GPC6: variants seen among roughly 807,000 people sequenced by gnomAD.
The protein encoded by GPC6 is glypican 6.
Under a neutral mutation model 55.2 loss-of-function variants are expected in GPC6, and 14 were observed. The ratio of observed to expected loss-of-function variants is 0.25; its 90% CI spans 0.17 to 0.40. The LOEUF (loss-of-function observed/expected upper bound fraction) is 0.40. Among genes scored for constraint, GPC6 ranks in the 10% least tolerant of loss-of-function variants. The pLI, the probability that GPC6 is intolerant of heterozygous loss-of-function variation, is 1.00. For missense variants in GPC6, 641 were observed against 708.5 expected (o/e 0.90, Z 1.08); for synonymous variants, 278 against 259.6 (o/e 1.07, Z -0.68).
At chr13:93,885,167 T>C (rs1413098787) in intron 3 of GPC6, among the ~76,000 whole-genome samples, 1 of 151,738 alleles carries the variant, frequency 6.6e-6, no homozygotes, top group Non-Finnish European at 1.5e-5. Context: ...AGAGTGCAAA[T>C]TAATAGAGCC....
intron 1 of GPC6, among the ~76,000 whole-genome samples, chr13:93,368,719 C>T (rs991703468): frequency 3.9e-5 from 6 of 152,000 alleles, no homozygotes; most frequent in Non-Finnish European, 7.4e-5. Flanking sequence ...TATACAGGAA[C>T]AAGCTACACC....
intron 5 of GPC6, among the ~76,000 whole-genome samples, chr13:94,299,807 A>G (rs1875544412): frequency 6.6e-6 from 1 of 152,170 alleles, no homozygotes; most frequent in Non-Finnish European, 1.5e-5. Flanking sequence ...CTCCACAGCC[A>G]TTTCTTGTGA....
intron 4 of GPC6, among the ~76,000 whole-genome samples, chr13:94,068,309 C>T (rs752081866): frequency 6.6e-6 from 1 of 152,086 alleles, no homozygotes; most frequent in East Asian, 1.9e-4. Context: ...CACAAGAACA[C>T]CATGGGAAAA....
chr13:94,262,180 G>A (rs904358262), intron 4 of GPC6, among the ~76,000 whole-genome samples: 7 of 152,132 alleles, frequency 4.6e-5, no homozygotes, highest in African/African-American at 1.7e-4. Context: ...CTCAACAGAT[G>A]CTTATTTAAT....
chr13:94,272,453 C>CT (rs1892060329), intron 4 of GPC6, among the ~76,000 whole-genome samples: 1 of 118,094 alleles, frequency 8.5e-6, no homozygotes, highest in East Asian at 2.3e-4. Context: ...CTTTTCTTTT[C>CT]TTTTCTTTTC....
intron 3 of GPC6, among the ~76,000 whole-genome samples, chr13:93,865,080 A>G (rs879826704): frequency 6.6e-6 from 1 of 151,682 alleles, no homozygotes; most frequent in Non-Finnish European, 1.5e-5. Flanking sequence ...GCAGTGGGTG[A>G]CACCATAAAA....
At chr13:93,295,857 TGCCATCATG>T (rs1878479547) in intron 1 of GPC6, among the ~76,000 whole-genome samples, 1 of 152,086 alleles carries the variant, frequency 6.6e-6, no homozygotes, top group Non-Finnish European at 1.5e-5. Flanking sequence ...TACAGGCGTG[TGCCATCATG>T]GCCGGCTAAT....
chr13:94,403,537 G>A lies in GPC6; in HGVS notation c.*320G>A, dbSNP rs1881241750. 3.3e-5 allele frequency: 10 copies of A among 298,714 alleles called. No individual in the cohort carries two copies. In the South Asian group the frequency reaches 4.3e-4, roughly 13 times the overall value. The allele number at this position is 298,714 out of a possible 1,614,324, so 18.5% of individuals were successfully genotyped here. ...CAGAAGTAAAGGAATCTCACGTTGT[G>A]AGGGTTTTTTTTTTCTCATTTAAAA... On this transcript the variant is annotated 3_prime_UTR_variant, in exon 9 of 9. Coordinates refer to ENST00000377047, the MANE Select transcript of GPC6 (RefSeq NM_005708.5).
intron 3 of GPC6, among the ~76,000 whole-genome samples, chr13:93,932,635 G>A (rs368019515): frequency 4.6e-5 from 7 of 152,206 alleles, no homozygotes; most frequent in Middle Eastern, 3.4e-3. Flanking sequence ...CATGGTAGGT[G>A]GGAAAAACCC....
At chr13:93,426,431 C>G (rs918397743) in intron 1 of GPC6, among the ~76,000 whole-genome samples, 3 of 144,734 alleles carry the variant, frequency 2.1e-5, no homozygotes, top group African/African-American at 7.7e-5. Context: ...GTTCCCCTTC[C>G]TGTGTCCATG....
chr13:94,083,641 T>C (rs1885184878), intron 4 of GPC6, among the ~76,000 whole-genome samples: 1 of 152,180 alleles, frequency 6.6e-6, no homozygotes, highest in South Asian at 2.1e-4. Flanking sequence ...AGTTTTCTGA[T>C]AGACAATAAA....
chr13:94,296,644 C>T (rs1875349317), intron 5 of GPC6, among the ~76,000 whole-genome samples: 1 of 152,176 alleles, frequency 6.6e-6, no homozygotes. Flanking sequence ...GAGTCATTGC[C>T]TCAGCCAGCC....
chr13:93,688,427 T>G (rs1882128088), intron 2 of GPC6, among the ~76,000 whole-genome samples: 1 of 152,080 alleles, frequency 6.6e-6, no homozygotes, highest in Non-Finnish European at 1.5e-5. Context: ...CTCCTAGGTA[T>G]AAATACAAAA....
At chr13:94,216,917 G>A (rs1055227446) in intron 4 of GPC6, among the ~76,000 whole-genome samples, 7 of 152,156 alleles carry the variant, frequency 4.6e-5, no homozygotes, top group African/African-American at 1.7e-4. Flanking sequence ...GAAGAATTGG[G>A]ATTTAAAGTC....
At chr13:93,444,962 G>T (rs1877946930) in intron 1 of GPC6, among the ~76,000 whole-genome samples, 1 of 152,124 alleles carries the variant, frequency 6.6e-6, no homozygotes, top group African/African-American at 2.4e-5. Context: ...TTTTAAAATA[G>T]GAGACAGTAG....
At chr13:93,718,949 T>C (rs183860502) in intron 2 of GPC6, among the ~76,000 whole-genome samples, 2 of 152,236 alleles carry the variant, frequency 1.3e-5, no homozygotes, top group East Asian at 3.9e-4. Context: ...TATATATCTG[T>C]TTTGGTACCA....
rs780952781 is a variant in GPC6 at position 94,382,578 on chromosome 13, TG to T, written c.1289+33del. 5 of 1,613,420 alleles carry T rather than the reference TG, an allele frequency of 3.1e-6. No homozygotes were observed. In the Admixed American group the frequency reaches 8.3e-5, roughly 27 times the overall value. ...GAGGGTGACTCGATGTGTGCATGGA[TG>T]GGGGCACAGCACACCCAGCCTTGGA... On this transcript the variant is annotated intron_variant, in intron 7 of 8. Transcript: ENST00000377047.
At chr13:93,501,796 A>G (rs1254272610) in intron 1 of GPC6, among the ~76,000 whole-genome samples, 3 of 152,154 alleles carry the variant, frequency 2.0e-5, no homozygotes, top group Admixed American at 1.3e-4. Context: ...TATCTAAATT[A>G]CTGCCTTGAC....
chr13:93,363,731 A>T (rs1030643915), intron 1 of GPC6, among the ~76,000 whole-genome samples: 1 of 150,830 alleles, frequency 6.6e-6, no homozygotes. Context: ...CAATGGTTGA[A>T]CTAGTTTACA....
Sources: gnomAD v4.1 joint callset for allele counts (sites outside exome capture counted in the v4.1 genomes callset) on GRCh38, gnomAD v4.1.1 for gene constraint, MANE v1.5 for transcripts, NCBI Gene and HGNC (gene_info 2026-07-23, HGNC 2026-07-21) for gene names.